Variants in USP53 observed in about 807,000 individuals in gnomAD.
The protein encoded by USP53 is ubiquitin specific peptidase 53.
Under a neutral mutation model 94.9 loss-of-function variants are expected in USP53, and 71 were observed. That is an observed-to-expected ratio of 0.75 (90% CI 0.62 to 0.91). USP53 has a LOEUF of 0.91. USP53 is among the 40% of genes least tolerant of loss of function. The pLI is 0.00. For missense variants in USP53, 1,173 were observed against 1,281.0 expected (o/e 0.92, Z 1.29); for synonymous variants, 375 against 422.7 (o/e 0.89, Z 1.39).
chr4:119,279,904 G>C (rs1178963708), intron 17 of USP53, among the ~76,000 whole-genome samples: 1 of 152,196 alleles, frequency 6.6e-6, no homozygotes, highest in South Asian at 2.1e-4. Context: ...TCGGAAAGGG[G>C]ACTCCCTGAC....
chr4:119,261,500 G>C (rs1020881176), intron 11 of USP53, among the ~76,000 whole-genome samples: 1 of 152,096 alleles, frequency 6.6e-6, no homozygotes, highest in African/African-American at 2.4e-5. Context: ...TAGTGAATTC[G>C]TTTTATTGGA....
At chr4:119,215,622 TTC>T (rs929447784) in intron 2 of USP53, among the ~76,000 whole-genome samples, 17 of 152,174 alleles carry the variant, frequency 1.1e-4, no homozygotes, top group Non-Finnish European at 2.5e-4. Context: ...GTATTTTTTT[TTC>T]TTTTTCTTTT....
Position 119,271,743 on chromosome 4 carries a change from G to A in USP53, c.1883G>A (p.Trp628Ter), listed in dbSNP as rs749766458. The A allele has an allele frequency of 6.2e-7, 1 of 1,613,922 alleles. No homozygotes were observed. Among genetic ancestry groups the A allele is most frequent in the East Asian group, 2.2e-5 (1 of 44,864 alleles). ...AGCAAGGATCCGAGTTTTAGTAATT[G>A]GCCAAAAGAGAATCCAAAGCAAAAA... ...KSSKDPSFSN[W>*]PKENPKQKGL... Residue 628 changes from tryptophan (W) to a stop codon, truncating the protein, a stop_gained, in exon 16 of 19, where the codon TGG (tryptophan) becomes TAG (stop). Coordinates refer to ENST00000692078, the MANE Select transcript of USP53 (RefSeq NM_001371395.1). LOFTEE classifies it high-confidence loss of function.
At chr4:119,221,651 A>G (rs1164585994) in intron 3 of USP53, among the ~76,000 whole-genome samples, 1 of 152,096 alleles carries the variant, frequency 6.6e-6, no homozygotes, top group Non-Finnish European at 1.5e-5. Context: ...GTAAACGGGG[A>G]ACTTGAGCCT....
chr4:119,259,297 G>GGA (rs1750179110), intron 9 of USP53, among the ~76,000 whole-genome samples: 1 of 147,778 alleles, frequency 6.8e-6, no homozygotes, highest in African/African-American at 2.6e-5. Context: ...AAAAAAAAAG[G>GGA]GGGGGGAGTA....
intron 6 of USP53, 33 bp from the exon 7 acceptor site, chr4:119,248,715 A>G (rs1336335425): frequency 1.2e-6 from 2 of 1,602,866 alleles, no homozygotes; most frequent in African/African-American, 2.7e-5. Context: ...TAAAGCTGGC[A>G]TTAAACTTAC....
intron 14 of USP53, 81 bp downstream of exon 14, chr4:119,268,501 C>T (rs927517469): frequency 1.2e-5 from 16 of 1,323,992 alleles, no homozygotes; most frequent in Non-Finnish European, 1.5e-5. Context: ...GCTTACCTAG[C>T]TTTCCTTGGC....
intron 3 of USP53, among the ~76,000 whole-genome samples, chr4:119,231,610 C>G (rs924542103): frequency 5.3e-5 from 8 of 152,116 alleles, no homozygotes; most frequent in Non-Finnish European, 7.4e-5. Flanking sequence ...TTTGTTGATT[C>G]TCTAGCAGGA....
At chr4:119,273,737 G>C in intron 17 of USP53, 29 bp downstream of exon 17, 6 of 1,560,612 alleles carry the variant, frequency 3.8e-6, no homozygotes, top group South Asian at 1.2e-5. Context: ...TATAATAGTT[G>C]CTGTAAAAAA....
intron 2 of USP53, among the ~76,000 whole-genome samples, chr4:119,214,625 AAG>A (rs1382395134): frequency 3.3e-5 from 5 of 151,744 alleles, no homozygotes; most frequent in Non-Finnish European, 7.4e-5. Context: ...AAAAAAAAAA[AAG>A]AAAAATCACA....
At chr4:119,260,774 A>G in intron 11 of USP53, 121 bp downstream of exon 11, 1 of 1,108,688 alleles carries the variant, frequency 9.0e-7, no homozygotes, top group Non-Finnish European at 1.3e-6. Context: ...TGCCTTTACT[A>G]CATAGACTAG....
At chr4:119,220,822 T>C (rs537111705) in intron 3 of USP53, 2 of 152,346 alleles carry the variant, frequency 1.3e-5, no homozygotes, top group South Asian at 4.1e-4. Context: ...GATTGGGCTC[T>C]ACTCTATATA....
At chr4:119,240,326 C>T (rs1747352919) in intron 5 of USP53, among the ~76,000 whole-genome samples, 1 of 152,128 alleles carries the variant, frequency 6.6e-6, no homozygotes, top group Non-Finnish European at 1.5e-5. Flanking sequence ...AAACTCCCTT[C>T]ACCTCCCACT....
intron 5 of USP53, 53 bp from the exon 6 acceptor site, chr4:119,245,284 C>A: frequency 6.5e-7 from 1 of 1,546,452 alleles, no homozygotes; most frequent in Non-Finnish European, 8.9e-7. Context: ...TCTTTTGTTA[C>A]AGTAAGAAAA....
intron 4 of USP53, among the ~76,000 whole-genome samples, chr4:119,236,139 T>C (rs1466748457): frequency 6.6e-6 from 1 of 152,240 alleles, no homozygotes; most frequent in South Asian, 2.1e-4. Context: ...TCCAGACCAC[T>C]GCAATAAAGC....
intron 17 of USP53, among the ~76,000 whole-genome samples, chr4:119,289,884 C>T (rs952877686): frequency 5.9e-5 from 9 of 152,076 alleles, no homozygotes; most frequent in Non-Finnish European, 1.3e-4. Flanking sequence ...TTCATCTCTA[C>T]CTTTTAAAAT....
chr4:119,256,982 A>G (rs748333676), intron 9 of USP53, among the ~76,000 whole-genome samples: 1 of 152,212 alleles, frequency 6.6e-6, no homozygotes. Flanking sequence ...TTGAGGACTC[A>G]TCATTCACTT....
Position 119,239,688 on chromosome 4 carries a change from C to A in USP53, c.-72C>A. 6.8e-7 allele frequency: 1 copy of A among 1,479,962 alleles called. No individual in the cohort carries two copies. Among genetic ancestry groups the A allele is most frequent in the East Asian group, 2.3e-5 (1 of 43,352 alleles). 91.7% of individuals were successfully genotyped at this position (1,479,962 alleles called of 1,614,324 possible). A position where few individuals can be genotyped will look rare whatever the true frequency, so the allele number is the denominator to read the frequency against. ...GATTTAATTGGACAATTCAAGACAT[C>A]CATTTTATTGTCCAAAATATTACAT... On this transcript the variant is annotated 5_prime_UTR_variant, in exon 5 of 19. Coordinates refer to ENST00000692078, the MANE Select transcript of USP53 (RefSeq NM_001371395.1).
intron 17 of USP53, among the ~76,000 whole-genome samples, chr4:119,288,875 T>C (rs1369546532): frequency 6.7e-6 from 1 of 148,456 alleles, no homozygotes; most frequent in Non-Finnish European, 1.5e-5. Flanking sequence ...GAGGCGGAGG[T>C]TGCAGTGAGC....
Sources: allele counts gnomAD v4.1 joint callset (sites outside exome capture counted in the v4.1 genomes callset), GRCh38; gene constraint gnomAD v4.1.1; transcripts MANE v1.5; gene names NCBI Gene and HGNC (gene_info 2026-07-23, HGNC 2026-07-21).